Variants in PVALEF observed in about 807,000 individuals in gnomAD.
The protein encoded by PVALEF is parvalbumin like EF-hand containing, also known as parvalbumin-like EF-hand-containing protein.
A neutral mutation model predicts 1.2 loss-of-function variants in PVALEF; 2 were observed. The observed-to-expected ratio is 1.68, with a 90% CI of 0.69 to 5.28. PVALEF has a LOEUF of 5.28. Ranked by LOEUF, PVALEF falls within the 30% of genes most tolerant of loss-of-function variation. The pLI is 0.06. For missense variants in PVALEF, 35 were observed against 17.7 expected (o/e 1.97, Z -1.75); for synonymous variants, 16 against 6.5 (o/e 2.47, Z -2.24).
rs770600033 is a variant in PVALEF at position 81,181,352 on chromosome 17, G to A, written c.106+20G>A. The A allele has an allele frequency of 5.1e-5, 32 of 632,500 alleles. No homozygotes were observed. In the Middle Eastern group the frequency reaches 1.7e-3, roughly 34 times the overall value. 39.2% of individuals were successfully genotyped at this position (632,500 alleles called of 1,614,324 possible). A position where few individuals can be genotyped will look rare whatever the true frequency, so the allele number is the denominator to read the frequency against. The stretch of plus-strand genomic sequence containing the variant: ...ACCACGGTACAGCATGCCCCCGCCC[G>A]GCGCGGCCCCCCGCCCGTCCAGCCC... On this transcript the variant is annotated intron_variant, in intron 4 of 6. Transcript: ENST00000637878.
At chr17:81,165,870 GGCCCAGGGGCATCACGTCC>G (rs2061483139) in intron 1 of PVALEF, 123 bp downstream of exon 1, 1 of 1,540,018 alleles carries the variant, frequency 6.5e-7, no homozygotes, top group Non-Finnish European at 8.8e-7. Context: ...GGAGCCGTGG[GGCCCAGGGGCATCACGTCC>G]GCAGCGGAGG....
At chr17:81,175,020 C>CA (rs1160228156) in intron 2 of PVALEF, among the ~76,000 whole-genome samples, 3 of 151,538 alleles carry the variant, frequency 2.0e-5, no homozygotes, top group African/African-American at 4.8e-5. Context: ...AAATATGCCA[C>CA]AAAAAAACTG....
At chr17:81,167,509 C>T (rs973371413) in intron 2 of PVALEF, among the ~76,000 whole-genome samples, 8 of 152,362 alleles carry the variant, frequency 5.3e-5, no homozygotes, top group African/African-American at 1.9e-4. Context: ...GAGAAAGGAG[C>T]CTGTTCCCGG....
chr17:81,167,096 C>A (rs1173747274), intron 2 of PVALEF, among the ~76,000 whole-genome samples: 2 of 152,210 alleles, frequency 1.3e-5, no homozygotes, highest in Non-Finnish European at 2.9e-5. Context: ...GGTTCCAGAC[C>A]AGCCTGGGCA....
chr17:81,170,684 G>C (rs979315691), intron 2 of PVALEF, among the ~76,000 whole-genome samples: 3 of 152,280 alleles, frequency 2.0e-5, no homozygotes, highest in Non-Finnish European at 4.4e-5. Context: ...TAGCGTTTCT[G>C]CAAGTGTAGC....
intron 1 of PVALEF, among the ~76,000 whole-genome samples, 162 bp from the exon 2 acceptor site, chr17:81,166,513 GGA>G (rs1247030700): frequency 4.1e-4 from 41 of 100,620 alleles, no homozygotes; most frequent in African/African-American, 1.3e-3. Context: ...CGGGGGGGGG[GGA>G]AACGGAAGTC....
chr17:81,180,533 G>A (rs756530737), intron 3 of PVALEF, among the ~76,000 whole-genome samples: 3 of 152,136 alleles, frequency 2.0e-5, no homozygotes, highest in African/African-American at 7.2e-5. Flanking sequence ...CCACAGCAGC[G>A]GGCAAGCCCA....
intron 4 of PVALEF, 46 bp downstream of exon 4, chr17:81,181,378 C>T (rs546348057): frequency 1.5e-5 from 9 of 619,418 alleles, no homozygotes; most frequent in African/African-American, 3.6e-5. Context: ...CGTCCAGCCC[C>T]GCTGTGGTCA....
chr17:81,167,642 A>G (rs903452041), intron 2 of PVALEF, among the ~76,000 whole-genome samples: 1 of 152,184 alleles, frequency 6.6e-6, no homozygotes. Flanking sequence ...CAGGCAAAGC[A>G]AGGGGCCTCC....
chr17:81,180,056 A>C (rs2061548487), intron 3 of PVALEF, among the ~76,000 whole-genome samples: 1 of 152,112 alleles, frequency 6.6e-6, no homozygotes, highest in South Asian at 2.1e-4. Context: ...CCGCGGATGC[A>C]CGAGCTATAA....
intron 2 of PVALEF, among the ~76,000 whole-genome samples, chr17:81,172,633 A>G (rs1488742074): frequency 6.6e-6 from 1 of 152,026 alleles, no homozygotes; most frequent in Admixed American, 6.6e-5. Flanking sequence ...GGTGGTGGGC[A>G]CCTGTAATCC....
Position 81,165,641 on chromosome 17 carries a change from G to A in PVALEF, c.-614G>A, listed in dbSNP as rs1219026993. 3 of 1,476,288 alleles carry A rather than the reference G, an allele frequency of 2.0e-6. No individual in the cohort carries two copies. Among genetic ancestry groups the A allele is most frequent in the Non-Finnish European group, 2.7e-6 (3 of 1,108,826 alleles). The allele number at this position is 1,476,288 out of a possible 1,614,324, so 91.4% of individuals were successfully genotyped here. A position where few individuals can be genotyped will look rare whatever the true frequency, so the allele number is the denominator to read the frequency against. On this transcript the variant is annotated 5_prime_UTR_variant, in exon 1 of 7. Transcript: ENST00000637878. ...CCCTTAGTCTGAGACCAACTCTCCT[G>A]GACACCAGGGGCCCACGCAGGCCCT...
chr17:81,170,500 A>G (rs1334524243), intron 2 of PVALEF, among the ~76,000 whole-genome samples: 1 of 152,050 alleles, frequency 6.6e-6, no homozygotes, highest in African/African-American at 2.4e-5. Context: ...ATTCACAGGT[A>G]TCAGGGTCAG....
intron 3 of PVALEF, among the ~76,000 whole-genome samples, chr17:81,180,850 C>G (rs111903239): frequency 6.6e-6 from 1 of 152,146 alleles, no homozygotes; most frequent in Non-Finnish European, 1.5e-5. Context: ...TGAACTTTCA[C>G]GAGGGCCAAG....
intron 2 of PVALEF, among the ~76,000 whole-genome samples, chr17:81,176,640 C>T (rs1286461640): frequency 2.0e-5 from 3 of 151,134 alleles, no homozygotes; most frequent in Middle Eastern, 3.5e-3. Context: ...GTGGGGCTAT[C>T]GGCCCCTGTG....
intron 6 of PVALEF, among the ~76,000 whole-genome samples, chr17:81,182,545 G>T (rs934575944): frequency 3.9e-5 from 6 of 152,160 alleles, no homozygotes; most frequent in Middle Eastern, 3.4e-3. Flanking sequence ...GGCTTGTGGC[G>T]GGGGGGTCAC....
At position 81,179,677 on chromosome 17, in the gene PVALEF, G is replaced by A. The variant is rs150697678; in HGVS notation, c.-105+525G>A. Among the ~76,000 whole-genome samples the A allele has an allele frequency of 5.9e-3, 898 of 152,272 alleles. 41 individuals carry two copies. Among genetic ancestry groups the A allele is most frequent in the Admixed American group, 0.052 (802 of 15,304 alleles). ...CACTGCCTCTATCACCCCTTCCCCC[G>A]AGAGGCCTCTCTCATCTCAGCATCT... On this transcript the variant is annotated intron_variant, in intron 3 of 6. Transcript: ENST00000637878.
chr17:81,169,317 C>T (rs1196000382), intron 2 of PVALEF, among the ~76,000 whole-genome samples: 3 of 152,122 alleles, frequency 2.0e-5, no homozygotes, highest in African/African-American at 7.2e-5. Context: ...AAACAGTAAT[C>T]GGCCGGGCGC....
chr17:81,172,912 G>C (rs1214467011), intron 2 of PVALEF, among the ~76,000 whole-genome samples: 1 of 152,088 alleles, frequency 6.6e-6, no homozygotes, highest in East Asian at 1.9e-4. Context: ...TCTCAGCTCT[G>C]TGTAAGAACC....
Sources: gnomAD v4.1 joint callset for allele counts (sites outside exome capture counted in the v4.1 genomes callset) on GRCh38, gnomAD v4.1.1 for gene constraint, MANE v1.5 for transcripts, NCBI Gene and HGNC (gene_info 2026-07-23, HGNC 2026-07-21) for gene names.